Variants in PDHX observed in about 807,000 individuals in gnomAD.
The protein encoded by PDHX is pyruvate dehydrogenase complex component X.
In PDHX, 33 loss-of-function variants were observed where a neutral mutation model predicts 55.3. The observed-to-expected ratio is 0.60, with a 90% CI of 0.45 to 0.80. The LOEUF is 0.80. Ranked by LOEUF, PDHX falls within the 30% of genes least tolerant of loss-of-function variation. The pLI, the probability that PDHX is intolerant of heterozygous loss-of-function variation, is 0.00. For synonymous variants in PDHX, 226 were observed against 219.4 expected, an observed-to-expected ratio of 1.03 and a Z score of -0.27; for missense variants, 622 against 619.9, an observed-to-expected ratio of 1.00 and a Z score of -0.04.
At chr11:34,938,309 T>G (rs1854384635) in intron 2 of PDHX, among the ~76,000 whole-genome samples, 1 of 152,176 alleles carries the variant, frequency 6.6e-6, no homozygotes, top group Non-Finnish European at 1.5e-5. Flanking sequence ...GAGGTAATTT[T>G]CAAAGAAAAA....
intron 7 of PDHX, among the ~76,000 whole-genome samples, chr11:34,971,258 A>T (rs557361812): frequency 6.6e-6 from 1 of 152,096 alleles, no homozygotes; most frequent in African/African-American, 2.4e-5. Flanking sequence ...GCATGAACTG[A>T]TAGTTTTATT....
chr11:34,979,985 A>G (rs909985113), intron 8 of PDHX, among the ~76,000 whole-genome samples: 12 of 149,572 alleles, frequency 8.0e-5, no homozygotes, highest in Non-Finnish European at 1.6e-4. Flanking sequence ...ACCTGCTTCT[A>G]TTTTGAGGAG....
At position 34,971,768 on chromosome 11, in the gene PDHX, A is replaced by G. The variant is rs1855263216; in HGVS notation, c.964+1482A>G. ...CTGGAGACATTTTTTCAGATTTGTT[A>G]TCTTATCTAGTGGAATGGGTTGGAA... is the stretch of plus-strand genomic sequence containing the variant. On this transcript the variant is annotated intron_variant, in intron 7 of 10. Transcript: ENST00000227868. Among the ~76,000 whole-genome samples the G allele has an allele frequency of 2.0e-5, 3 of 152,136 alleles. No homozygotes were observed. The South Asian group carries it at 6.2e-4, about 32-fold the overall frequency.
upstream of PDHX, chr11:34,916,521 G>GGT (rs750683422): frequency 2.8e-6 from 4 of 1,451,300 alleles, no homozygotes; most frequent in Admixed American, 4.6e-5. Context: ...GGGCTGGGTT[G>GGT]GGGGGCGGGG....
intron 2 of PDHX, among the ~76,000 whole-genome samples, chr11:34,944,079 A>ATGTG (rs3980628): frequency 6.8e-6 from 1 of 147,756 alleles, no homozygotes; most frequent in African/African-American, 2.5e-5. Context: ...TAATACAAAT[A>ATGTG]TGTGTGTGTG....
Position 34,992,309 on chromosome 11 carries a change from T to C in PDHX, c.1183-6T>C. On this transcript the variant is annotated splice_region_variant and splice_polypyrimidine_tract_variant and intron_variant, in intron 9 of 10. Transcript: ENST00000227868. ...GGTTGTCCTATTCTGTTTGTATTTT[T>C]CTCAGGCTCTATCAAAGAAAGCAAG... 1 of 1,572,826 alleles carries C rather than the reference T, an allele frequency of 6.4e-7. No homozygotes were observed. Among genetic ancestry groups the C allele is most frequent in the South Asian group, 1.1e-5 (1 of 90,108 alleles).
intron 10 of PDHX, among the ~76,000 whole-genome samples, chr11:34,994,344 A>G (rs955715775): frequency 6.6e-6 from 1 of 152,220 alleles, no homozygotes; most frequent in Admixed American, 6.5e-5. Flanking sequence ...TACAGTAAAA[A>G]TGTAAAAAGT....
At chr11:34,982,663 G>A (rs907101543) in intron 8 of PDHX, among the ~76,000 whole-genome samples, 11 of 152,240 alleles carry the variant, frequency 7.2e-5, no homozygotes, top group Non-Finnish European at 1.0e-4. Context: ...AAATAAACCA[G>A]AAAATCTAGA....
intron 10 of PDHX, 50 bp downstream of exon 10, chr11:34,992,429 G>T: frequency 1.1e-6 from 1 of 919,554 alleles, no homozygotes; most frequent in South Asian, 1.3e-5. Flanking sequence ...ATAGATGTAA[G>T]ACTTATAAAG....
chr11:34,915,928 A>G, upstream of PDHX: 1 of 497,816 alleles, frequency 2.0e-6, no homozygotes. Flanking sequence ...TGCCTTCCTG[A>G]TAAATACCCG....
intron 4 of PDHX, among the ~76,000 whole-genome samples, chr11:34,958,666 A>G (rs1393188283): frequency 3.9e-5 from 6 of 152,086 alleles, no homozygotes; most frequent in African/African-American, 7.2e-5. Context: ...CTTGACTCCC[A>G]TTTACTGTCT....
intron 8 of PDHX, 21 bp from the exon 9 acceptor site, chr11:34,984,548 AT>A: frequency 1.2e-6 from 2 of 1,612,704 alleles, no homozygotes; most frequent in Non-Finnish European, 1.7e-6. Context: ...TTTTAGTAAC[AT>A]TTTTCTTTTT....
At chr11:34,958,721 C>T (rs1212223157) in intron 4 of PDHX, among the ~76,000 whole-genome samples, 1 of 152,148 alleles carries the variant, frequency 6.6e-6, no homozygotes, top group Admixed American at 6.5e-5. Context: ...CTCACTGATG[C>T]TTTCTAACTA....
intron 1 of PDHX, among the ~76,000 whole-genome samples, chr11:34,926,239 ACT>A (rs546217195): frequency 7.9e-5 from 12 of 152,276 alleles, no homozygotes; most frequent in African/African-American, 2.9e-4. Context: ...TTTTTAAATT[ACT>A]TTTACTTTAT....
At chr11:34,942,273 G>T (rs933176393) in intron 2 of PDHX, among the ~76,000 whole-genome samples, 6 of 152,164 alleles carry the variant, frequency 3.9e-5, no homozygotes, top group Non-Finnish European at 7.3e-5. Context: ...TCTTGATTCA[G>T]GTAGACATGA....
At chr11:34,926,670 A>AT (rs10709327) in intron 1 of PDHX, among the ~76,000 whole-genome samples, 4 of 151,642 alleles carry the variant, frequency 2.6e-5, no homozygotes, top group Admixed American at 1.3e-4. Flanking sequence ...CTTGTATTAA[A>AT]TTTTTTTTTT....
chr11:34,975,628 G>A (rs951248331), intron 7 of PDHX, among the ~76,000 whole-genome samples: 5 of 152,040 alleles, frequency 3.3e-5, no homozygotes, highest in Admixed American at 2.6e-4. Context: ...GTTTATGCAT[G>A]TTGTACCATA....
At chr11:34,969,451 C>A (rs1008881983) in intron 6 of PDHX, among the ~76,000 whole-genome samples, 2 of 150,970 alleles carry the variant, frequency 1.3e-5, no homozygotes, top group African/African-American at 2.4e-5. Context: ...TCAAGTGATT[C>A]TGCTGCCTCA....
chr11:34,916,499 T>C (rs563586329), upstream of PDHX: 112 of 1,443,024 alleles, frequency 7.8e-5, no homozygotes, highest in African/African-American at 1.6e-3. Flanking sequence ...AAGGCCAACG[T>C]GGTTGGAGGC....
Sources: gnomAD v4.1 joint callset for allele counts (sites outside exome capture counted in the v4.1 genomes callset) on GRCh38, gnomAD v4.1.1 for gene constraint, MANE v1.5 for transcripts, NCBI Gene and HGNC (gene_info 2026-07-23, HGNC 2026-07-21) for gene names.